Variants in SCAPER observed in about 807,000 individuals in gnomAD.
SCAPER encodes S phase cyclin A-associated protein in the endoplasmic reticulum.
SCAPER carries 98 observed loss-of-function variants against 182.2 expected under a neutral mutation model. The observed-to-expected ratio is 0.54, with a 90% CI of 0.46 to 0.64. SCAPER has a LOEUF of 0.64. Among genes scored for constraint, SCAPER ranks in the 30% least tolerant of loss-of-function variants. The pLI is 0.00. For missense variants in SCAPER, 1,432 were observed against 1,690.0 expected (o/e 0.85, Z 2.68); for synonymous variants, 605 against 564.6 (o/e 1.07, Z -1.01).
At chr15:76,897,703 G>GA (rs1363791351) in intron 1 of SCAPER, among the ~76,000 whole-genome samples, 1 of 151,338 alleles carries the variant, frequency 6.6e-6, no homozygotes, top group Non-Finnish European at 1.5e-5. Flanking sequence ...ACTCTATCTC[G>GA]AAAAAAAAGA....
In SCAPER at chr15:76,765,343, C is replaced by T. The variant is rs1199985636; in HGVS notation, c.1607G>A (p.Arg536His). 11 of 1,610,230 alleles carry T rather than the reference C, an allele frequency of 6.8e-6. No homozygotes were observed. Among genetic ancestry groups the T allele is most frequent in the South Asian group, 3.3e-5 (3 of 90,700 alleles). The change falls in exon 13 of 32, where the codon CGT becomes CAT. Residue 536 changes from arginine to histidine, a missense_variant. By Grantham distance (29) the Arg-to-His change is conservative (BLOSUM62 0). Around this residue, in one of 5 missense-constraint regions of SCAPER, gnomAD observed 128 missense variants for 149.9 expected, o/e 0.85. Coordinates refer to ENST00000563290, the MANE Select transcript of SCAPER (RefSeq NM_020843.4). ...TAATTTTCAAATGCCAGACCTTTTA[C>T]GAGAGGGTGAAGAAAGTTTTTCATG... ...HMHEKLSSPS[R>H]KRTIAESKKK...
At chr15:76,651,629 CA>C (rs552478551) in intron 21 of SCAPER, among the ~76,000 whole-genome samples, 1,153 of 94,642 alleles carry the variant, frequency 0.012, 16 homozygotes, top group African/African-American at 0.036. Context: ...ACCTACCAAC[CA>C]AAAAAAAAAA....
intron 8 of SCAPER, among the ~76,000 whole-genome samples, chr15:76,789,252 CG>C (rs1294315882): frequency 3.2e-4 from 48 of 151,800 alleles, no homozygotes; most frequent in Non-Finnish European, 3.8e-4. Context: ...AAACAAAAAT[CG>C]TAAGATGAAT....
intron 24 of SCAPER, among the ~76,000 whole-genome samples, chr15:76,495,359 C>G (rs1354138096): frequency 6.6e-6 from 1 of 151,990 alleles, no homozygotes; most frequent in East Asian, 1.9e-4. Flanking sequence ...AGGTGGATCA[C>G]CTGAGGTCAG....
chr15:76,778,154 T>A (rs2063858180), intron 8 of SCAPER, among the ~76,000 whole-genome samples: 1 of 152,184 alleles, frequency 6.6e-6, no homozygotes, highest in African/African-American at 2.4e-5. Flanking sequence ...TATGTATAAT[T>A]ATCCTTCTCA....
Position 76,741,476 on chromosome 15 carries a change from G to A in SCAPER, c.1867-8092C>T, listed in dbSNP as rs1467931146. Among the ~76,000 whole-genome samples the A allele has an allele frequency of 2.0e-5, 3 of 152,062 alleles. No homozygotes were observed. The East Asian group carries it at 5.8e-4, about 29-fold the overall frequency. ...CTGAGAGGCATTACAATACCCTCCA[G>A]AAAGATTAATCTGGAGGGAGGAGGA... On this transcript the variant is annotated intron_variant, in intron 15 of 31. Coordinates refer to ENST00000563290, the MANE Select transcript of SCAPER (RefSeq NM_020843.4).
intron 23 of SCAPER, among the ~76,000 whole-genome samples, chr15:76,517,512 G>C (rs896846088): frequency 6.6e-6 from 1 of 151,806 alleles, no homozygotes; most frequent in East Asian, 1.9e-4. Flanking sequence ...ACTACACCCG[G>C]CTAATTTTTT....
chr15:76,761,004 GT>G (rs2062749074), intron 14 of SCAPER, among the ~76,000 whole-genome samples: 1 of 151,948 alleles, frequency 6.6e-6, no homozygotes, highest in African/African-American at 2.4e-5. Context: ...TTTTTTGTTG[GT>G]TTTTGATTAC....
chr15:76,458,560 T>C (rs897038687), intron 25 of SCAPER, among the ~76,000 whole-genome samples: 1 of 152,152 alleles, frequency 6.6e-6, no homozygotes, highest in Non-Finnish European at 1.5e-5. Flanking sequence ...CAATATATAA[T>C]ATTTGTACAT....
At chr15:76,829,725 C>T (rs564274804) in intron 5 of SCAPER, among the ~76,000 whole-genome samples, 2 of 152,226 alleles carry the variant, frequency 1.3e-5, no homozygotes, top group East Asian at 1.9e-4. Flanking sequence ...AATCACACAA[C>T]TATGAAGACT....
chr15:76,695,861 T>C (rs1285234236), intron 20 of SCAPER, among the ~76,000 whole-genome samples: 1 of 152,066 alleles, frequency 6.6e-6, no homozygotes, highest in Non-Finnish European at 1.5e-5. Flanking sequence ...ATTCTTCCCA[T>C]ACTATTAAGG....
chr15:76,671,194 T>A (rs2146855150), intron 20 of SCAPER, among the ~76,000 whole-genome samples: 1 of 151,962 alleles, frequency 6.6e-6, no homozygotes, highest in South Asian at 2.1e-4. Flanking sequence ...TAGCAGGACA[T>A]CATGGGCATG....
intron 15 of SCAPER, among the ~76,000 whole-genome samples, chr15:76,740,415 C>T (rs1216193636): frequency 2.6e-5 from 4 of 152,146 alleles, no homozygotes; most frequent in African/African-American, 9.7e-5. Context: ...CAGAACATCA[C>T]CATCAAGAAT....
At chr15:76,746,421 C>T (rs2061796584) in intron 15 of SCAPER, among the ~76,000 whole-genome samples, 1 of 146,398 alleles carries the variant, frequency 6.8e-6, no homozygotes, top group African/African-American at 2.4e-5. Flanking sequence ...CACTTAACAT[C>T]ATACTTGATG....
intron 23 of SCAPER, among the ~76,000 whole-genome samples, chr15:76,510,181 C>A (rs1297443579): frequency 6.6e-6 from 1 of 152,046 alleles, no homozygotes; most frequent in Non-Finnish European, 1.5e-5. Context: ...GATTTCATGA[C>A]CAAGAACCCA....
intron 26 of SCAPER, among the ~76,000 whole-genome samples, chr15:76,426,031 G>A (rs538291356): frequency 7.9e-5 from 12 of 152,218 alleles, no homozygotes; most frequent in South Asian, 2.1e-4. Flanking sequence ...CTACTGGGGG[G>A]TGCCTCCCAG....
At chr15:76,646,541 G>GT (rs1416430209) in intron 21 of SCAPER, among the ~76,000 whole-genome samples, 1 of 152,120 alleles carries the variant, frequency 6.6e-6, no homozygotes, top group East Asian at 1.9e-4. Flanking sequence ...CACAAATCTA[G>GT]TTCCTTTATC....
chr15:76,657,175 A>G (rs1473966773), intron 21 of SCAPER, among the ~76,000 whole-genome samples: 1 of 152,158 alleles, frequency 6.6e-6, no homozygotes, highest in Non-Finnish European at 1.5e-5. Flanking sequence ...AAAAAAAGAC[A>G]TAAGATCCAA....
At chr15:76,667,909 G>A (rs756345335) in intron 20 of SCAPER, among the ~76,000 whole-genome samples, 9 of 151,578 alleles carry the variant, frequency 5.9e-5, no homozygotes, top group Non-Finnish European at 8.8e-5. Context: ...GTTGCAATGA[G>A]CCAAGATCGT....
Sources: allele counts gnomAD v4.1 joint callset (sites outside exome capture counted in the v4.1 genomes callset), GRCh38; gene constraint gnomAD v4.1.1; regional missense constraint gnomAD v4.1.1; transcripts MANE v1.5; gene names NCBI Gene and HGNC (gene_info 2026-07-23, HGNC 2026-07-21).